Variants in MTF1 observed in about 807,000 individuals in gnomAD.
MTF1 encodes the protein metal regulatory transcription factor 1, also known as MRE-binding transcription factor.
In MTF1, 22 loss-of-function variants were observed where a neutral mutation model predicts 70.4. The observed-to-expected ratio is 0.31, with a 90% CI of 0.22 to 0.45. The LOEUF is 0.45. Ranked by LOEUF, MTF1 falls within the 20% of genes least tolerant of loss-of-function variation. MTF1 has a pLI of 1.00. For synonymous variants in MTF1, 333 were observed against 352.8 expected (o/e 0.94, Z 0.63); for missense variants, 649 against 922.0 (o/e 0.70, Z 3.83).
intron 4 of MTF1, among the ~76,000 whole-genome samples, chr1:37,837,751 C>G (rs972874202): frequency 2.0e-5 from 3 of 152,196 alleles, no homozygotes; most frequent in Admixed American, 6.5e-5. Context: ...CATGATCCAC[C>G]TGCCTCAGCC....
In MTF1 at chr1:37,815,016, G is replaced by A. The variant is rs1640793018; in HGVS notation, c.*120C>T. On this transcript the variant is annotated 3_prime_UTR_variant, in exon 11 of 11. Coordinates refer to ENST00000373036, the MANE Select transcript of MTF1 (RefSeq NM_005955.3). The surrounding 1 kb of genome is among the most constrained non-coding windows in gnomAD (Gnocchi z 4.5). ...GTGAATAAAGAAAATACGTCTGAAA[G>A]GTGAGGATTTCAAACAGTAGATTTC... 5 of 777,280 alleles carry A rather than the reference G, an allele frequency of 6.4e-6. No homozygotes were observed. The highest frequency in any genetic ancestry group is 8.3e-6 in the Non-Finnish European group (4 of 483,422). 48.1% of individuals were successfully genotyped at this position (777,280 alleles called of 1,614,324 possible).
At chr1:37,816,050 A>C (rs372008646) in intron 10 of MTF1, among the ~76,000 whole-genome samples, 4 of 152,196 alleles carry the variant, frequency 2.6e-5, no homozygotes, top group African/African-American at 9.7e-5. Flanking sequence ...GCCTCCCGGC[A>C]CACATGCACA....
chr1:37,825,423 GAT>G (rs1028415448), intron 7 of MTF1, among the ~76,000 whole-genome samples: 1 of 152,108 alleles, frequency 6.6e-6, no homozygotes, highest in African/African-American at 2.4e-5. Flanking sequence ...TTTCTGTAGA[GAT>G]AGGGTTTTAC....
At position 37,822,492 on chromosome 1, in the gene MTF1, G is replaced by T; in HGVS notation, c.1396C>A (p.Gln466Lys). ...TGGGGAACAGGCACTTCTGGAGGTT[G>T]TAAGAGAGCAGGGGGGTTGCCAAAT... ...AAFGNPPALL[Q>K]PPEVPVPHST... Residue 466 changes from glutamine to lysine, a missense_variant, in exon 9 of 11, where the codon CAA becomes AAA. Gln to Lys is a moderately conservative substitution (Grantham distance 53). This residue lies in a region of MTF1 where 267 missense variants were observed against 292.1 expected (regional missense o/e 0.91). Coordinates refer to ENST00000373036, the MANE Select transcript of MTF1 (RefSeq NM_005955.3). The T allele has an allele frequency of 6.2e-7, 1 of 1,614,114 alleles. No individual in the cohort carries two copies. Among genetic ancestry groups the T allele is most frequent in the East Asian group, 2.2e-5 (1 of 44,892 alleles).
intron 8 of MTF1, among the ~76,000 whole-genome samples, chr1:37,823,196 G>A (rs1368317460): frequency 2.6e-5 from 4 of 152,112 alleles, no homozygotes; most frequent in Non-Finnish European, 5.9e-5. Context: ...AGAACTTTGG[G>A]AGGCTGAGGC....
At chr1:37,828,945 A>G (rs1641045097) in intron 7 of MTF1, among the ~76,000 whole-genome samples, 1 of 152,178 alleles carries the variant, frequency 6.6e-6, no homozygotes, top group East Asian at 1.9e-4. Context: ...CTGAGCAGCC[A>G]AAAGGCTTCG....
chr1:37,825,435 C>G (rs887573867), intron 7 of MTF1, among the ~76,000 whole-genome samples: 1 of 152,014 alleles, frequency 6.6e-6, no homozygotes, highest in Admixed American at 6.6e-5. Context: ...TAGGGTTTTA[C>G]TATGTTGTCC....
At chr1:37,836,703 G>A (rs1641175133) in intron 4 of MTF1, among the ~76,000 whole-genome samples, 1 of 152,110 alleles carries the variant, frequency 6.6e-6, no homozygotes, top group African/African-American at 2.4e-5. Flanking sequence ...TGTAGTTCCT[G>A]CACATAGCAG....
In MTF1 at chr1:37,847,294, CAG is replaced by C. The variant is rs1194095410; in HGVS notation, c.409-7138_409-7137del. On this transcript the variant is annotated intron_variant, in intron 2 of 10. Transcript: ENST00000373036. ...GGTAGAAAGCATAGGCTTTGGCATCCAGAAAGTCCTCAGTTCAAATCTCGGTT... is the reference window on the plus strand; with the variant it reads ...GGTAGAAAGCATAGGCTTTGGCATCCAAAGTCCTCAGTTCAAATCTCGGTT... 2.0e-5 allele frequency among the ~76,000 whole-genome samples: 3 copies of C among 152,156 alleles called. No individual in the cohort carries two copies. In the East Asian group the frequency reaches 5.8e-4, roughly 29 times the overall value.
chr1:37,832,071 G>C (rs1397010328), intron 7 of MTF1, among the ~76,000 whole-genome samples, 174 bp downstream of exon 7: 1 of 152,214 alleles, frequency 6.6e-6, no homozygotes, highest in East Asian at 1.9e-4. Context: ...GCATCAGAGA[G>C]AACAGGCTCT....
chr1:37,817,870 G>A (rs1019224291), intron 9 of MTF1, among the ~76,000 whole-genome samples: 1 of 152,204 alleles, frequency 6.6e-6, no homozygotes, highest in South Asian at 2.1e-4. Flanking sequence ...AAGAAAGCTG[G>A]AAAGTTCTTT....
At chr1:37,858,170 G>A (rs1476355623) in intron 1 of MTF1, among the ~76,000 whole-genome samples, 2 of 152,180 alleles carry the variant, frequency 1.3e-5, no homozygotes, top group Non-Finnish European at 2.9e-5. Flanking sequence ...GCTGCTGAAA[G>A]GCTGAGTTGC....
chr1:37,840,158 C>T lies in MTF1; in HGVS notation c.409G>A (p.Val137Ile). The T allele has an allele frequency of 3.7e-6, 6 of 1,613,900 alleles. No homozygotes were observed. Among genetic ancestry groups the T allele is most frequent in the East Asian group, 2.2e-5 (1 of 44,878 alleles). ...SECPETKRKE[V>I]KRYQCTFEGC... ...TCAAAGGTACATTGGTACCGCTTTA[C>T]CTGGCAGAGAAAAGATACCTCATCA... Residue 137 changes from valine (V) to isoleucine (I), a missense_variant and splice_region_variant, in exon 3 of 11, where the codon GTA becomes ATA. Physicochemically the swap from Val to Ile is conservative, Grantham distance 29 (BLOSUM62 3). Around this residue, in one of 7 missense-constraint regions of MTF1, gnomAD observed 118 missense variants for 287.2 expected, o/e 0.41. Transcript: ENST00000373036. The surrounding 1 kb of genome is among the most constrained non-coding windows in gnomAD (Gnocchi z 4.5).
chr1:37,831,076 A>G (rs1641079322), intron 7 of MTF1, among the ~76,000 whole-genome samples: 1 of 152,226 alleles, frequency 6.6e-6, no homozygotes, highest in South Asian at 2.1e-4. Flanking sequence ...AAGCCTACCC[A>G]GTGCCTTTAC....
At position 37,812,049 on chromosome 1, in the gene MTF1, A is replaced by G. The variant is rs1640745721; in HGVS notation, c.*3087T>C. 6.5e-6 allele frequency: 1 copy of G among 152,682 alleles called. No homozygotes were observed. Among genetic ancestry groups the G allele is most frequent in the African/African-American group, 2.4e-5 (1 of 41,460 alleles). 9.5% of individuals were successfully genotyped at this position (152,682 alleles called of 1,614,324 possible). A position where few individuals can be genotyped will look rare whatever the true frequency, so the allele number is the denominator to read the frequency against. On this transcript the variant is annotated 3_prime_UTR_variant, in exon 11 of 11. Transcript: ENST00000373036. ...AATCCCTGGTGCTAAGCACCCTTTG[A>G]AGCGGTTGTCTAATTGGAGATGTTA...
At chr1:37,836,651 A>C (rs921897552) in intron 4 of MTF1, among the ~76,000 whole-genome samples, 4 of 152,172 alleles carry the variant, frequency 2.6e-5, no homozygotes, top group African/African-American at 9.7e-5. Flanking sequence ...CTGCTCTCCT[A>C]GAGTGTAAAC....
Position 37,815,203 on chromosome 1 carries a change from A to C in MTF1, c.2195T>G (p.Leu732Arg), listed in dbSNP as rs1234695076. ...CTGCAGTAGTGCTTCAATGGGAATCAGATTGGACGGGGTGTCCAGGCTCTG... is the reference window on the plus strand; with the variant it reads ...CTGCAGTAGTGCTTCAATGGGAATCCGATTGGACGGGGTGTCCAGGCTCTG... The part of the protein sequence containing the change: ...SLQSLDTPSN[L>R]IPIEALLQGE... The change falls in exon 11 of 11, where the codon CTG (leucine) becomes CGG (arginine). Residue 732 changes from leucine to arginine, a missense_variant. Coordinates refer to ENST00000373036, the MANE Select transcript of MTF1 (RefSeq NM_005955.3). The surrounding 1 kb of genome is among the most constrained non-coding windows in gnomAD (Gnocchi z 4.5). 6.2e-7 allele frequency: 1 copy of C among 1,614,194 alleles called. No individual in the cohort carries two copies. Among genetic ancestry groups the C allele is most frequent in the Non-Finnish European group, 8.5e-7 (1 of 1,180,038 alleles).
chr1:37,854,419 T>C (rs1285431289), intron 2 of MTF1, among the ~76,000 whole-genome samples: 1 of 152,230 alleles, frequency 6.6e-6, no homozygotes, highest in Non-Finnish European at 1.5e-5. Flanking sequence ...ATCCCAGCAC[T>C]ATCACTATTT....
intron 7 of MTF1, 70 bp from the exon 8 acceptor site, chr1:37,823,882 C>A (rs1242974432): frequency 4.5e-6 from 5 of 1,115,330 alleles, no homozygotes; most frequent in South Asian, 3.9e-5. Context: ...AAAACACATT[C>A]AAAGCAGCAG....
Sources: gnomAD v4.1 joint callset for allele counts (sites outside exome capture counted in the v4.1 genomes callset) on GRCh38, gnomAD v4.1.1 for gene constraint, gnomAD v4.1.1 regional missense constraint, Gnocchi (gnomAD v3.1) non-coding constraint, MANE v1.5 for transcripts, NCBI Gene and HGNC (gene_info 2026-07-23, HGNC 2026-07-21) for gene names.